Variants in CEP128 observed in about 807,000 individuals in gnomAD.
CEP128 encodes the protein centrosomal protein 128kDa.
CEP128 carries 132 observed loss-of-function variants against 156.7 expected under a neutral mutation model. The ratio of observed to expected loss-of-function variants is 0.84; its 90% CI spans 0.73 to 0.97. CEP128 has a LOEUF of 0.97. Ranked by LOEUF, CEP128 falls within the 50% of genes least tolerant of loss-of-function variation. CEP128 has a pLI of 0.00. For synonymous variants in CEP128, 469 were observed against 448.9 expected (o/e 1.04, Z -0.57); for missense variants, 1,252 against 1,281.9 (o/e 0.98, Z 0.36).
chr14:80,651,616 G>A (rs1040822033), intron 19 of CEP128, among the ~76,000 whole-genome samples: 1 of 152,100 alleles, frequency 6.6e-6, no homozygotes, highest in African/African-American at 2.4e-5. Context: ...GGTACATCAT[G>A]TCTTTGTTCT....
At chr14:80,494,176 T>G (rs1442747057), downstream of CEP128, among the ~76,000 whole-genome samples, 1 of 152,202 alleles carries the variant, frequency 6.6e-6, no homozygotes, top group Non-Finnish European at 1.5e-5. Flanking sequence ...TTTTGGTGCA[T>G]GAAATGCCTT....
At chr14:80,847,081 C>T (rs867960214) in intron 9 of CEP128, among the ~76,000 whole-genome samples, 1 of 152,092 alleles carries the variant, frequency 6.6e-6, no homozygotes, top group Non-Finnish European at 1.5e-5. Context: ...AAGAGACATC[C>T]TCCAAGGTCT....
intron 19 of CEP128, among the ~76,000 whole-genome samples, chr14:80,582,574 C>T (rs1891637058): frequency 6.6e-6 from 1 of 151,846 alleles, no homozygotes; most frequent in South Asian, 2.1e-4. Flanking sequence ...GATCTCTTGC[C>T]TACTGCTTGG....
intron 20 of CEP128, among the ~76,000 whole-genome samples, chr14:80,568,728 C>T (rs182393864): frequency 6.6e-6 from 1 of 152,178 alleles, no homozygotes; most frequent in Non-Finnish European, 1.5e-5. Context: ...GGAAATGTAG[C>T]TAAACAATTT....
chr14:80,734,243 A>G (rs1898416400), intron 19 of CEP128, among the ~76,000 whole-genome samples: 1 of 152,190 alleles, frequency 6.6e-6, no homozygotes, highest in African/African-American at 2.4e-5. Context: ...AAAATGTTCT[A>G]AACAGGAAAA....
intron 13 of CEP128, among the ~76,000 whole-genome samples, chr14:80,827,336 G>GAT (rs2140025968): frequency 6.6e-6 from 1 of 152,308 alleles, no homozygotes; most frequent in South Asian, 2.1e-4. Flanking sequence ...GGGACACAGA[G>GAT]ATAAAACTTG....
chr14:80,637,139 T>C (rs1004854602), intron 19 of CEP128, among the ~76,000 whole-genome samples: 1 of 151,380 alleles, frequency 6.6e-6, no homozygotes, highest in African/African-American at 2.4e-5. Context: ...ATTCCCAGCC[T>C]GCTTAAAACC....
rs73344075 is a variant in CEP128 at position 80,934,220 on chromosome 14, G to A, written c.-16+5165C>T. ...GCCTTCATCCTAAAACTGCTTTACA[G>A]TACCAGATGGTTCAGCAAACTATGG... is the stretch of plus-strand genomic sequence containing the variant. On this transcript the variant is annotated intron_variant, in intron 2 of 24. Transcript: ENST00000555265. Among the ~76,000 whole-genome samples, 1,134 of 152,296 alleles carry A rather than the reference G, an allele frequency of 7.4e-3. 17 individuals are homozygous for A. The highest frequency in any genetic ancestry group is 0.025 in the African/African-American group (1,034 of 41,544).
chr14:80,770,758 C>A (rs1900471681), intron 16 of CEP128, among the ~76,000 whole-genome samples: 2 of 152,010 alleles, frequency 1.3e-5, no homozygotes, highest in South Asian at 4.2e-4. Flanking sequence ...TTATTCTACT[C>A]ACACAACTTA....
chr14:80,482,109 AT>A (rs146627195), intron 14 of CEP128, among the ~76,000 whole-genome samples: 23 of 150,220 alleles, frequency 1.5e-4, no homozygotes, highest in African/African-American at 3.2e-4. Context: ...AGAGAATCTT[AT>A]TTTTTTTTTC....
At chr14:80,951,655 T>C (rs1279399882) in intron 2 of CEP128, among the ~76,000 whole-genome samples, 3 of 152,080 alleles carry the variant, frequency 2.0e-5, no homozygotes, top group Non-Finnish European at 4.4e-5. Context: ...TTCACTTAAA[T>C]GTAATGTGAA....
chr14:80,794,823 A>G (rs1595410544), intron 13 of CEP128, among the ~76,000 whole-genome samples: 1 of 152,186 alleles, frequency 6.6e-6, no homozygotes, highest in East Asian at 1.9e-4. Flanking sequence ...ATAGACTACA[A>G]TGTGGCTGTA....
chr14:80,704,083 T>C (rs1897157995), intron 19 of CEP128, among the ~76,000 whole-genome samples: 2 of 152,074 alleles, frequency 1.3e-5, no homozygotes, highest in African/African-American at 4.8e-5. Flanking sequence ...AGAAAGATAC[T>C]TATGTAATGA....
chr14:80,689,117 G>A (rs576115684), intron 19 of CEP128, among the ~76,000 whole-genome samples: 142 of 151,934 alleles, frequency 9.3e-4, no homozygotes, highest in Non-Finnish European at 1.6e-3. Context: ...TTGAGAGGCC[G>A]AGGTGGGTGG....
chr14:80,899,293 A>G (rs559986622), intron 7 of CEP128, among the ~76,000 whole-genome samples: 106 of 152,322 alleles, frequency 7.0e-4, no homozygotes, highest in Non-Finnish European at 8.2e-4. Context: ...ATTGTTCCTA[A>G]TATTTGCTGT....
chr14:80,600,509 A>G (rs975616655), intron 19 of CEP128, among the ~76,000 whole-genome samples: 1 of 152,178 alleles, frequency 6.6e-6, no homozygotes, highest in African/African-American at 2.4e-5. Context: ...TCAGTGAAGA[A>G]CTTTACATGC....
intron 19 of CEP128, among the ~76,000 whole-genome samples, chr14:80,733,679 T>C (rs911085433): frequency 3.3e-5 from 5 of 152,192 alleles, no homozygotes; most frequent in Admixed American, 6.6e-5. Context: ...ATAAGGCATA[T>C]ATAAGTTTTA....
In CEP128 at chr14:80,955,837, A is replaced by C. The variant is rs886050853; in HGVS notation, c.-172+2341T>G. Reference sequence around the variant, plus strand: ...TCAACGCATCCCCAGCTTACCGCCCAGTACGCAGACTCTGTGAGTACCCGG... The same window carrying C: ...TCAACGCATCCCCAGCTTACCGCCCCGTACGCAGACTCTGTGAGTACCCGG... On this transcript the variant is annotated intron_variant, in intron 2 of 7. Coordinates refer to the CEP128 transcript ENST00000555529. 12 of 1,614,104 alleles carry C rather than the reference A, an allele frequency of 7.4e-6. No individual in the cohort carries two copies. The highest frequency in any genetic ancestry group is 9.3e-6 in the Non-Finnish European group (11 of 1,180,042).
At chr14:80,699,009 G>C (rs892380284) in intron 19 of CEP128, among the ~76,000 whole-genome samples, 9 of 152,116 alleles carry the variant, frequency 5.9e-5, no homozygotes, top group African/African-American at 1.9e-4. Context: ...TTTAATATTG[G>C]ATATGGAATC....
Sources: gnomAD v4.1 joint callset for allele counts (sites outside exome capture counted in the v4.1 genomes callset) on GRCh38, gnomAD v4.1.1 for gene constraint, MANE v1.5 for transcripts, NCBI Gene and HGNC (gene_info 2026-07-23, HGNC 2026-07-21) for gene names.